KIAA0586: variants seen among roughly 807,000 people sequenced by gnomAD.
KIAA0586 encodes the protein KIAA0586, also known as protein TALPID3.
Under a neutral mutation model 169.8 loss-of-function variants are expected in KIAA0586, and 144 were observed. That is an observed-to-expected ratio of 0.85 (90% CI 0.74 to 0.97). KIAA0586 has a LOEUF of 0.97. KIAA0586 is among the 50% of genes least tolerant of loss of function. The pLI is 0.00. For missense variants in KIAA0586, 1,854 were observed against 1,823.0 expected, an observed-to-expected ratio of 1.02 and a Z score of -0.31; for synonymous variants, 625 against 612.4, an observed-to-expected ratio of 1.02 and a Z score of -0.30.
At chr14:58,551,850 T>G (rs1327438155), downstream of KIAA0586, among the ~76,000 whole-genome samples, 1 of 152,180 alleles carries the variant, frequency 6.6e-6, no homozygotes, top group Non-Finnish European at 1.5e-5. Flanking sequence ...TATATGTGAG[T>G]AACTTGAACA....
chr14:58,498,221 T>C lies in KIAA0586; in HGVS notation c.3991-562T>C, dbSNP rs372683141. Among the ~76,000 whole-genome samples, 4 of 151,666 alleles carry C rather than the reference T, an allele frequency of 2.6e-5. 1 individual carries two copies. On this transcript the variant is annotated intron_variant, in intron 26 of 30. Coordinates refer to ENST00000652326, the MANE Select transcript of KIAA0586 (RefSeq NM_001329943.3). ...ACACAGGGTCTCACTGTATCACCCA[T>C]GCTGGAGTACAGTCGTGCAGTCTCG...
At chr14:58,445,457 G>T (rs750062436) in intron 6 of KIAA0586, among the ~76,000 whole-genome samples, 5 of 146,612 alleles carry the variant, frequency 3.4e-5, no homozygotes, top group Non-Finnish European at 6.0e-5. Flanking sequence ...TTTTTGAGAC[G>T]GAGTCTAACT....
chr14:58,501,837 C>A (rs1384547248), intron 27 of KIAA0586, among the ~76,000 whole-genome samples: 1 of 152,210 alleles, frequency 6.6e-6, no homozygotes, highest in Admixed American at 6.5e-5. Context: ...CATTTAACAG[C>A]TGAAGGCAGC....
chr14:58,521,625 A>C, intron 29 of KIAA0586: 1 of 1,055,592 alleles, frequency 9.5e-7, no homozygotes, highest in South Asian at 1.2e-5. Flanking sequence ...GGATCTTCCA[A>C]GTCTGGAAAG....
chr14:58,445,944 C>T (rs984988591), intron 6 of KIAA0586, among the ~76,000 whole-genome samples: 1 of 151,704 alleles, frequency 6.6e-6, no homozygotes, highest in Non-Finnish European at 1.5e-5. Flanking sequence ...TCTCAGTTCA[C>T]TGCAGCCTCC....
Position 58,521,415 on chromosome 14 carries a change from GC to G in KIAA0586, c.4429+8790del, listed in dbSNP as rs1346267591. ...GTATGTTAATGAGAGAAATGCCCGGGCCGCTGTAGGTGGAGATGTACAGCTC... is the reference window on the plus strand; with the variant it reads ...GTATGTTAATGAGAGAAATGCCCGGGCGCTGTAGGTGGAGATGTACAGCTC... On this transcript the variant is annotated intron_variant, in intron 29 of 30. Coordinates refer to ENST00000652326, the MANE Select transcript of KIAA0586 (RefSeq NM_001329943.3). 6 of 811,476 alleles carry G rather than the reference GC, an allele frequency of 7.4e-6. No individual in the cohort carries two copies. In the Admixed American group the frequency reaches 8.8e-5, roughly 12 times the overall value. 50.3% of individuals were successfully genotyped at this position (811,476 alleles called of 1,614,324 possible).
the KIAA0586 span, among the ~76,000 whole-genome samples, chr14:58,557,737 G>C: frequency 6.6e-6 from 1 of 151,966 alleles, no homozygotes; most frequent in African/African-American, 2.4e-5. Flanking sequence ...GCTCCTATTA[G>C]GCAGCTTTGT....
intron 24 of KIAA0586, 84 bp downstream of exon 24, chr14:58,488,958 C>A: frequency 7.1e-7 from 1 of 1,402,228 alleles, no homozygotes; most frequent in Non-Finnish European, 9.7e-7. Context: ...AGTGTTTTTA[C>A]TTAACTTTCA....
At chr14:58,521,179 C>T (rs949261923) in intron 29 of KIAA0586, 5 of 687,344 alleles carry the variant, frequency 7.3e-6, no homozygotes, top group Admixed American at 4.9e-5. Context: ...TTTTGATCTT[C>T]AGCTACATTT....
chr14:58,427,598 A>C, upstream of KIAA0586: 1 of 1,535,668 alleles, frequency 6.5e-7, no homozygotes, highest in Non-Finnish European at 8.7e-7. Context: ...GGAATGGAAG[A>C]GCACCAGAGA....
At chr14:58,475,318 C>T (rs2041527355) in intron 19 of KIAA0586, among the ~76,000 whole-genome samples, 1 of 152,134 alleles carries the variant, frequency 6.6e-6, no homozygotes, top group African/African-American at 2.4e-5. Flanking sequence ...TGCACGCTCC[C>T]TATGAGAATC....
At chr14:58,492,335 A>G in intron 26 of KIAA0586, 60 bp downstream of exon 26, 1 of 1,438,292 alleles carries the variant, frequency 7.0e-7, no homozygotes, top group South Asian at 1.4e-5. Flanking sequence ...AAAAATTAAA[A>G]TATTCTTACT....
At position 58,453,334 on chromosome 14, in the gene KIAA0586, A is replaced by C. The variant is rs187748315; in HGVS notation, c.1130-16A>C. 2,702 of 1,194,402 alleles carry C rather than the reference A, an allele frequency of 2.3e-3. 16 individuals are homozygous for C. Among genetic ancestry groups the C allele is most frequent in the South Asian group, 0.013 (839 of 64,348 alleles). 74.0% of individuals were successfully genotyped at this position (1,194,402 alleles called of 1,614,324 possible). ...ATTAGTATTTGGAAAATGATACTAT[A>C]TCTCTTCTATTTCAGGAAATGTAAG... On this transcript the variant is annotated splice_polypyrimidine_tract_variant and intron_variant, in intron 8 of 30. Coordinates refer to ENST00000652326, the MANE Select transcript of KIAA0586 (RefSeq NM_001329943.3).
intron 29 of KIAA0586, among the ~76,000 whole-genome samples, chr14:58,530,603 A>G (rs939368346): frequency 6.6e-6 from 1 of 152,244 alleles, no homozygotes; most frequent in African/African-American, 2.4e-5. Context: ...AGGATTCCCT[A>G]TTTAATAAAT....
At chr14:58,480,767 A>G (rs1248643718) in intron 20 of KIAA0586, among the ~76,000 whole-genome samples, 1 of 152,142 alleles carries the variant, frequency 6.6e-6, no homozygotes. Context: ...AATTTGTCCT[A>G]TTTAGCATAG....
chr14:58,472,131 A>G (rs2041266253), intron 17 of KIAA0586, 68 bp from the exon 18 acceptor site: 3 of 748,322 alleles, frequency 4.0e-6, no homozygotes, highest in Middle Eastern at 2.5e-4. Context: ...AGGTGGAAAT[A>G]TGATAAATTA....
At chr14:58,448,012 C>T (rs1162920168) in intron 6 of KIAA0586, among the ~76,000 whole-genome samples, 9 of 152,040 alleles carry the variant, frequency 5.9e-5, no homozygotes. Context: ...AGGGTGAGGG[C>T]CTCTCCTTCC....
downstream of KIAA0586, chr14:58,551,354 C>T (rs2047196730): frequency 6.6e-6 from 1 of 152,076 alleles, no homozygotes; most frequent in Admixed American, 6.5e-5. Context: ...CTTTAAAATG[C>T]TAAACATATA....
chr14:58,492,145 A>G lies in KIAA0586; in HGVS notation c.3860A>G (p.Glu1287Gly). Reference protein sequence around the residue: ...SSTLHDAVEMEDDPPSEGQVI... With the variant: ...SSTLHDAVEMGDDPPSEGQVI... ...TAATTGTCTTTATGTTTCTTTTAGGAGGATGATCCTCCTAGTGAAGGGCAA... is the reference window on the plus strand; with the variant it reads ...TAATTGTCTTTATGTTTCTTTTAGGGGGATGATCCTCCTAGTGAAGGGCAA... Residue 1287 changes from glutamate to glycine, a missense_variant and splice_region_variant, in exon 26 of 31, where the codon GAG (glutamate) becomes GGG (glycine). Glu to Gly is a moderately conservative substitution (Grantham distance 98). Transcript: ENST00000652326. 6.6e-7 allele frequency: 1 copy of G among 1,515,094 alleles called. No individual in the cohort carries two copies. Among genetic ancestry groups the G allele is most frequent in the South Asian group, 1.3e-5 (1 of 77,140 alleles). The allele number at this position is 1,515,094 out of a possible 1,614,324, so 93.9% of individuals were successfully genotyped here. A position where few individuals can be genotyped will look rare whatever the true frequency, so the allele number is the denominator to read the frequency against.
Sources: allele counts gnomAD v4.1 joint callset (sites outside exome capture counted in the v4.1 genomes callset), GRCh38; gene constraint gnomAD v4.1.1; transcripts MANE v1.5; gene names NCBI Gene and HGNC (gene_info 2026-07-23, HGNC 2026-07-21).